Variants in AGMO observed in about 807,000 individuals in gnomAD.
The protein encoded by AGMO is alkylglycerol monooxygenase, also known as glyceryl-ether monooxygenase.
In AGMO, 75 loss-of-function variants were observed where a neutral mutation model predicts 60.2. The ratio of observed to expected loss-of-function variants is 1.25; its 90% CI spans 1.03 to 1.51. The LOEUF is 1.51. Among genes scored for constraint, AGMO ranks in the 40% most tolerant of loss-of-function variants. The pLI, the probability that AGMO is intolerant of heterozygous loss-of-function variation, is 0.00. For missense variants in AGMO, 763 were observed against 525.5 expected (o/e 1.45, Z -4.42); for synonymous variants, 261 against 177.1 (o/e 1.47, Z -3.76).
At chr7:15,160,996 A>T in the AGMO span, among the ~76,000 whole-genome samples, 1 of 152,206 alleles carries the variant, frequency 6.6e-6, no homozygotes, top group African/African-American at 2.4e-5. Flanking sequence ...AGAGTGAAAG[A>T]GAGATAGAAA....
intron 12 of AGMO, among the ~76,000 whole-genome samples, chr7:15,208,531 G>T (rs1348739199): frequency 6.6e-6 from 1 of 152,132 alleles, no homozygotes; most frequent in African/African-American, 2.4e-5. Context: ...AACAAGAGCA[G>T]AAAAATAACA....
the AGMO span, among the ~76,000 whole-genome samples, chr7:15,194,170 G>C: frequency 6.6e-6 from 1 of 152,118 alleles, no homozygotes. Flanking sequence ...TTTCACATTT[G>C]ATGGGATAGG....
At chr7:15,377,888 C>G (rs1583478465) in intron 10 of AGMO, among the ~76,000 whole-genome samples, 1 of 151,944 alleles carries the variant, frequency 6.6e-6, no homozygotes, top group East Asian at 1.9e-4. Context: ...TGTGCACTGC[C>G]AAGCGTAATG....
intron 3 of AGMO, among the ~76,000 whole-genome samples, chr7:15,526,108 G>A (rs907641308): frequency 2.0e-5 from 3 of 152,156 alleles, no homozygotes; most frequent in Non-Finnish European, 4.4e-5. Context: ...TTCACGCCAG[G>A]GTGCAAGCCA....
intron 12 of AGMO, among the ~76,000 whole-genome samples, chr7:15,249,212 T>C (rs954500254): frequency 6.6e-6 from 1 of 152,070 alleles, no homozygotes; most frequent in African/African-American, 2.4e-5. Context: ...AATTTAACAA[T>C]TGGAAGGTAT....
intron 12 of AGMO, among the ~76,000 whole-genome samples, chr7:15,342,262 A>C (rs1781879831): frequency 2.6e-5 from 4 of 151,202 alleles, no homozygotes; most frequent in Admixed American, 2.6e-4. Context: ...AGCAGCTGAG[A>C]AAGCCATGGT....
intron 8 of AGMO, among the ~76,000 whole-genome samples, chr7:15,388,660 T>C (rs1487884402): frequency 6.6e-6 from 1 of 152,004 alleles, no homozygotes; most frequent in Non-Finnish European, 1.5e-5. Context: ...TTACGCCTAA[T>C]AATAAGGAAA....
rs67388173 is a variant in AGMO at position 15,460,106 on chromosome 7, C to CTTT, written c.410-29001_410-28999dup. Reference sequence around the variant, plus strand: ...AAAGTAATTATTTACCCAATTTCCCCTTTTTTTTTTGTTTTTTTGAGAAGG... The same window carrying CTTT: ...AAAGTAATTATTTACCCAATTTCCCCTTTTTTTTTTTTTGTTTTTTTGAGAAGG... On this transcript the variant is annotated intron_variant, in intron 3 of 12. Coordinates refer to ENST00000342526, the MANE Select transcript of AGMO (RefSeq NM_001004320.2). 3.9e-3 allele frequency among the ~76,000 whole-genome samples: 468 copies of CTTT among 121,556 alleles called. 11 individuals are homozygous for CTTT. Among genetic ancestry groups the CTTT allele is most frequent in the African/African-American group, 0.013 (407 of 30,518 alleles). The allele number at this position is 121,556 out of a possible 152,430, so 79.7% of individuals were successfully genotyped here.
intron 3 of AGMO, among the ~76,000 whole-genome samples, chr7:15,472,589 G>A (rs1782477418): frequency 6.6e-6 from 1 of 151,810 alleles, no homozygotes; most frequent in Non-Finnish European, 1.5e-5. Context: ...ACACAGACGT[G>A]CTGTAAAATC....
intron 5 of AGMO, among the ~76,000 whole-genome samples, chr7:15,410,455 C>T (rs960565516): frequency 3.3e-5 from 5 of 151,620 alleles, no homozygotes; most frequent in Non-Finnish European, 5.9e-5. Context: ...GTTAAGAATG[C>T]AATTTTTTTC....
intron 3 of AGMO, among the ~76,000 whole-genome samples, chr7:15,530,807 T>G (rs1447106409): frequency 8.5e-6 from 1 of 118,128 alleles, no homozygotes; most frequent in African/African-American, 3.3e-5. Flanking sequence ...TCTCTATATA[T>G]TCTATATATA....
At chr7:15,495,018 G>A (rs950659305) in intron 3 of AGMO, among the ~76,000 whole-genome samples, 2 of 152,204 alleles carry the variant, frequency 1.3e-5, no homozygotes, top group African/African-American at 2.4e-5. Flanking sequence ...CCTTGCATTT[G>A]CTAAGCCTAA....
chr7:15,384,817 CTTTTTTTT>C (rs71953359), intron 10 of AGMO, among the ~76,000 whole-genome samples: 8 of 121,310 alleles, frequency 6.6e-5, no homozygotes, highest in South Asian at 2.6e-4. Context: ...CTGTTTTTCT[CTTTTTTTT>C]TTTTTTTTTG....
At chr7:15,490,373 A>G (rs1475463564) in intron 3 of AGMO, among the ~76,000 whole-genome samples, 2 of 152,188 alleles carry the variant, frequency 1.3e-5, no homozygotes, top group Non-Finnish European at 2.9e-5. Flanking sequence ...GAAATCCTCA[A>G]TATTTTATAG....
chr7:15,206,052 T>C (rs550381651), intron 12 of AGMO, among the ~76,000 whole-genome samples: 1 of 151,834 alleles, frequency 6.6e-6, no homozygotes, highest in South Asian at 2.1e-4. Context: ...AATGTTTTGG[T>C]TTTTTTTGAG....
intron 12 of AGMO, among the ~76,000 whole-genome samples, chr7:15,307,425 T>G (rs1780647249): frequency 6.6e-6 from 1 of 151,998 alleles, no homozygotes; most frequent in Non-Finnish European, 1.5e-5. Context: ...AAAACTTTAT[T>G]TAGATGGGCT....
chr7:15,177,926 TA>T, the AGMO span, among the ~76,000 whole-genome samples: 2 of 152,134 alleles, frequency 1.3e-5, no homozygotes, highest in East Asian at 1.9e-4. Flanking sequence ...TGTCTCTCAA[TA>T]AAAAATGTTT....
chr7:15,545,265 T>C (rs1024493765), intron 2 of AGMO, among the ~76,000 whole-genome samples: 1 of 152,172 alleles, frequency 6.6e-6, no homozygotes, highest in African/African-American at 2.4e-5. Flanking sequence ...TTTCTGTGAT[T>C]GTCATTTCTA....
At chr7:15,131,579 T>A in the AGMO span, among the ~76,000 whole-genome samples, 1 of 152,214 alleles carries the variant, frequency 6.6e-6, no homozygotes, top group East Asian at 1.9e-4. Flanking sequence ...CTTAGCAGAA[T>A]TTGTTTTTAT....
Sources: allele counts gnomAD v4.1 joint callset (sites outside exome capture counted in the v4.1 genomes callset), GRCh38; gene constraint gnomAD v4.1.1; transcripts MANE v1.5; gene names NCBI Gene and HGNC (gene_info 2026-07-23, HGNC 2026-07-21).